The following CSMD1 variants were observed in gnomAD, a reference collection of about 807,000 sequenced individuals.
CSMD1 encodes the protein CUB and sushi domain-containing protein 1.
Under a neutral mutation model 417.5 loss-of-function variants are expected in CSMD1, and 213 were observed. The ratio of observed to expected loss-of-function variants is 0.51; its 90% CI spans 0.46 to 0.57. The LOEUF (loss-of-function observed/expected upper bound fraction) is 0.57. Among genes scored for constraint, CSMD1 ranks in the 20% least tolerant of loss-of-function variants. The pLI is 0.00. For missense variants in CSMD1, 6,923 were observed against 4,529.7 expected (o/e 1.53, Z -15.17); for synonymous variants, 2,862 against 1,736.8 (o/e 1.65, Z -16.11).
intron 7 of CSMD1, among the ~76,000 whole-genome samples, chr8:3,662,851 AAG>A (rs562376472): frequency 8.1e-4 from 123 of 152,116 alleles, no homozygotes; most frequent in African/African-American, 2.8e-3. Flanking sequence ...GGTAGGGGGA[AAG>A]AGGGGGGAGA....
intron 1 of CSMD1, among the ~76,000 whole-genome samples, chr8:4,968,791 GAA>G (rs1329204180): frequency 6.6e-6 from 1 of 152,066 alleles, no homozygotes; most frequent in Non-Finnish European, 1.5e-5. Context: ...ATAAAAAAAG[GAA>G]AGTCTGGCAG....
At chr8:3,517,752 T>G (rs1374571092) in intron 10 of CSMD1, among the ~76,000 whole-genome samples, 1 of 152,172 alleles carries the variant, frequency 6.6e-6, no homozygotes, top group African/African-American at 2.4e-5. Context: ...TTAATTAAAA[T>G]GAAGAATTCA....
chr8:4,965,487 G>C (rs1809798837), intron 1 of CSMD1, among the ~76,000 whole-genome samples: 1 of 152,194 alleles, frequency 6.6e-6, no homozygotes, highest in African/African-American at 2.4e-5. Context: ...AGGATCAGAA[G>C]GATGACTGAG....
At chr8:4,561,657 G>A (rs928308751) in intron 2 of CSMD1, among the ~76,000 whole-genome samples, 1 of 152,130 alleles carries the variant, frequency 6.6e-6, no homozygotes, top group Admixed American at 6.5e-5. Flanking sequence ...AATCCAGCCT[G>A]GATGACACAG....
Position 3,989,904 on chromosome 8 carries a change from T to C in CSMD1, c.818+7999A>G, listed in dbSNP as rs141233904. ...TTCTCCTAACCAGTCCTCCATGAAA[T>C]TGTGCAAACTTTCATAAGAAAGAGA... On this transcript the variant is annotated intron_variant, in intron 5 of 69. Transcript: ENST00000635120. Among the ~76,000 whole-genome samples, 109 of 152,270 alleles carry C rather than the reference T, an allele frequency of 7.2e-4. 1 individual carries two copies. In the East Asian group the frequency reaches 0.019, roughly 26 times the overall value.
chr8:4,441,952 A>G (rs1798507731), intron 2 of CSMD1, among the ~76,000 whole-genome samples: 1 of 152,188 alleles, frequency 6.6e-6, no homozygotes, highest in East Asian at 1.9e-4. Context: ...GTACTGAGAA[A>G]CTCAGGGGCC....
At chr8:4,987,048 ATTTT>A in intron 1 of CSMD1, among the ~76,000 whole-genome samples, 1 of 152,314 alleles carries the variant, frequency 6.6e-6, no homozygotes, top group Non-Finnish European at 1.5e-5. Flanking sequence ...TATCCATTGC[ATTTT>A]TACTATCTCA....
intron 25 of CSMD1, among the ~76,000 whole-genome samples, chr8:3,305,415 A>C (rs2117370199): frequency 6.6e-6 from 1 of 151,814 alleles, no homozygotes. Context: ...GCCATATTGA[A>C]AGTGGGAGCC....
chr8:4,435,977 C>G (rs1167176809), intron 2 of CSMD1, among the ~76,000 whole-genome samples: 1 of 152,190 alleles, frequency 6.6e-6, no homozygotes, highest in Non-Finnish European at 1.5e-5. Context: ...TCACCATCTA[C>G]TTTTCTGTCA....
At chr8:4,948,934 T>C (rs1475672316) in intron 1 of CSMD1, among the ~76,000 whole-genome samples, 1 of 152,168 alleles carries the variant, frequency 6.6e-6, no homozygotes, top group South Asian at 2.1e-4. Flanking sequence ...TTTTGGTAGA[T>C]ATAATTTTAG....
chr8:3,716,639 G>A (rs1801858518), intron 6 of CSMD1, among the ~76,000 whole-genome samples: 1 of 152,074 alleles, frequency 6.6e-6, no homozygotes, highest in Non-Finnish European at 1.5e-5. Context: ...TGTGTCTTGT[G>A]CTAACCTCCT....
intron 1 of CSMD1, among the ~76,000 whole-genome samples, chr8:4,893,465 T>G (rs749083203): frequency 6.6e-5 from 10 of 152,264 alleles, no homozygotes; most frequent in African/African-American, 2.4e-4. Flanking sequence ...GTTTATTTGT[T>G]GTCTTTAAGA....
At chr8:4,055,970 G>C (rs1351584298) in intron 3 of CSMD1, among the ~76,000 whole-genome samples, 2 of 151,582 alleles carry the variant, frequency 1.3e-5, no homozygotes, top group African/African-American at 2.4e-5. Flanking sequence ...CCCTACCTGA[G>C]TTTTCCCCTA....
At chr8:3,900,510 G>C (rs1407279501) in intron 5 of CSMD1, among the ~76,000 whole-genome samples, 1 of 152,018 alleles carries the variant, frequency 6.6e-6, no homozygotes, top group Non-Finnish European at 1.5e-5. Context: ...TGACAGTAGA[G>C]CTGGATGACA....
chr8:4,519,469 G>T (rs920809736), intron 2 of CSMD1, among the ~76,000 whole-genome samples: 2 of 151,848 alleles, frequency 1.3e-5, no homozygotes, highest in Non-Finnish European at 2.9e-5. Flanking sequence ...GCTGGGCATG[G>T]TGGCTCACGC....
At chr8:3,600,525 C>T (rs1484882472) in intron 8 of CSMD1, among the ~76,000 whole-genome samples, 2 of 152,142 alleles carry the variant, frequency 1.3e-5, no homozygotes, top group Non-Finnish European at 2.9e-5. Flanking sequence ...CACTCAGAGA[C>T]TATGAAATGT....
intron 1 of CSMD1, among the ~76,000 whole-genome samples, chr8:4,711,066 G>A (rs1157542725): frequency 6.6e-6 from 1 of 151,234 alleles, no homozygotes; most frequent in African/African-American, 2.4e-5. Flanking sequence ...GCAAAATCAT[G>A]ACATGATATT....
At chr8:3,158,249 T>TA (rs1313104895) in intron 38 of CSMD1, among the ~76,000 whole-genome samples, 1 of 151,918 alleles carries the variant, frequency 6.6e-6, no homozygotes, top group African/African-American at 2.4e-5. Context: ...TCTTGATACT[T>TA]AAGAGTACTG....
At chr8:4,341,536 A>G (rs1177800064) in intron 3 of CSMD1, among the ~76,000 whole-genome samples, 1 of 152,096 alleles carries the variant, frequency 6.6e-6, no homozygotes, top group Admixed American at 6.6e-5. Flanking sequence ...AAACCCATGG[A>G]AACATTATTT....
Sources: gnomAD v4.1 joint callset for allele counts (sites outside exome capture counted in the v4.1 genomes callset) on GRCh38, gnomAD v4.1.1 for gene constraint, MANE v1.5 for transcripts, NCBI Gene and HGNC (gene_info 2026-07-23, HGNC 2026-07-21) for gene names.